The following ATAD2B variants were observed in gnomAD, a reference collection of about 807,000 sequenced individuals.
ATAD2B encodes the protein ATPase family AAA domain containing 2B.
A neutral mutation model predicts 167.6 loss-of-function variants in ATAD2B; 40 were observed. That is an observed-to-expected ratio of 0.24 (90% CI 0.19 to 0.31). The LOEUF (loss-of-function observed/expected upper bound fraction) is 0.31, where lower values mean the gene tolerates loss of function less well. Among genes scored for constraint, ATAD2B ranks in the 10% least tolerant of loss-of-function variants. The probability of loss-of-function intolerance (pLI) is 1.00; values close to 1 mark genes in which losing one functional copy is unlikely to be tolerated. For missense variants in ATAD2B, 1,242 were observed against 1,757.2 expected, an observed-to-expected ratio of 0.71 and a Z score of 5.24; for synonymous variants, 579 against 596.5, an observed-to-expected ratio of 0.97 and a Z score of 0.43.
At chr2:23,739,701 A>G in the ATAD2B span, among the ~76,000 whole-genome samples, 2 of 152,266 alleles carry the variant, frequency 1.3e-5, no homozygotes, top group African/African-American at 2.4e-5. Context: ...AACTAAGATC[A>G]GAGCATAACT....
intron 24 of ATAD2B, among the ~76,000 whole-genome samples, chr2:23,761,559 C>T (rs939026470): frequency 1.3e-5 from 2 of 152,286 alleles, no homozygotes; most frequent in South Asian, 2.1e-4. Context: ...TGGATTATCA[C>T]CTTTATACCA....
At chr2:23,880,062 A>T (rs1034824489) in intron 7 of ATAD2B, among the ~76,000 whole-genome samples, 2 of 151,954 alleles carry the variant, frequency 1.3e-5, no homozygotes, top group Non-Finnish European at 2.9e-5. Context: ...TTTTAAAAAA[A>T]AAAAAAAAAA....
At position 23,754,271 on chromosome 2, in the gene ATAD2B, G is replaced by C; in HGVS notation, c.4243C>G (p.Leu1415Val). 1 of 1,566,570 alleles carries C rather than the reference G, an allele frequency of 6.4e-7. No individual in the cohort carries two copies. The highest frequency in any genetic ancestry group is 8.7e-7 in the Non-Finnish European group (1 of 1,155,522). ...AATCTCTCAAGCTGATCAACTGCCA[G>C]ATTGTTGCTTTTATCCACCAACAAA... ...LDLLVDKSNN[L>V]AVDQLERLYS... Residue 1415 changes from leucine to valine, a missense_variant, in exon 27 of 28, where the codon CTG becomes GTG. Leu to Val is a conservative substitution (Grantham distance 32). Transcript: ENST00000238789.
At chr2:23,880,792 T>A in intron 6 of ATAD2B, 37 bp from the exon 7 acceptor site, 1 of 1,235,900 alleles carries the variant, frequency 8.1e-7, no homozygotes, top group Middle Eastern at 1.9e-4. Context: ...GAAAAAGGCA[T>A]TATTTTAATT....
chr2:23,686,815 G>A, the ATAD2B span, among the ~76,000 whole-genome samples: 3 of 152,178 alleles, frequency 2.0e-5, no homozygotes, highest in Non-Finnish European at 4.4e-5. Flanking sequence ...TCAGCATACA[G>A]TAAGGTCACA....
At chr2:23,717,566 A>C in the ATAD2B span, among the ~76,000 whole-genome samples, 5 of 152,164 alleles carry the variant, frequency 3.3e-5, no homozygotes, top group Non-Finnish European at 7.3e-5. Flanking sequence ...ACACTTCACA[A>C]AAATAACAGG....
the ATAD2B span, chr2:23,697,248 G>C: frequency 1.3e-5 from 2 of 152,258 alleles, no homozygotes; most frequent in Admixed American, 6.5e-5. Flanking sequence ...TTCCGGATGA[G>C]AATACAAAAT....
the ATAD2B span, among the ~76,000 whole-genome samples, chr2:23,686,704 C>T: frequency 1.5e-4 from 23 of 152,078 alleles, no homozygotes; most frequent in Admixed American, 3.9e-4. Flanking sequence ...AGCAGCCTGA[C>T]GGACGCCCAG....
the ATAD2B span, among the ~76,000 whole-genome samples, chr2:23,711,342 C>CTTTTTTTTTTTTTTTTTTTTTTT: frequency 1.3e-5 from 1 of 79,784 alleles, no homozygotes; most frequent in African/African-American, 4.9e-5. Context: ...GAATTTCTTT[C>CTTTTTTTTTTTTTTTTTTTTTTT]TTTTTTTTTT....
chr2:23,820,256 G>A (rs1253461854), intron 16 of ATAD2B, among the ~76,000 whole-genome samples: 1 of 152,098 alleles, frequency 6.6e-6, no homozygotes, highest in Non-Finnish European at 1.5e-5. Context: ...TAATTAGTAG[G>A]TTAGCTGAGT....
At chr2:23,707,894 A>T in the ATAD2B span, 4 of 152,442 alleles carry the variant, frequency 2.6e-5, no homozygotes, top group South Asian at 8.3e-4. Context: ...GGAAGCCAGG[A>T]GGGAGGTCAC....
chr2:23,876,597 GC>G (rs1318007018), intron 7 of ATAD2B, among the ~76,000 whole-genome samples: 1 of 152,152 alleles, frequency 6.6e-6, no homozygotes, highest in Non-Finnish European at 1.5e-5. Context: ...ACTGTGCCCG[GC>G]CCCTGTTAAC....
intron 1 of ATAD2B, among the ~76,000 whole-genome samples, chr2:23,909,855 T>TG (rs1376482932): frequency 6.6e-6 from 1 of 151,896 alleles, no homozygotes; most frequent in Non-Finnish European, 1.5e-5. Context: ...GGTTGTTTTT[T>TG]TTTGTTTGTT....
chr2:23,871,829 T>A (rs1696022376), intron 8 of ATAD2B, among the ~76,000 whole-genome samples: 1 of 152,210 alleles, frequency 6.6e-6, no homozygotes, highest in African/African-American at 2.4e-5. Context: ...AATCCTTTCA[T>A]TAACTTCTGC....
In ATAD2B at chr2:23,759,494, C is replaced by T. The variant is rs572364484; in HGVS notation, c.3395-1393G>A. Among the ~76,000 whole-genome samples, 6 of 152,150 alleles carry T rather than the reference C, an allele frequency of 3.9e-5. No homozygotes were observed. In the South Asian group the frequency reaches 1.2e-3, roughly 32 times the overall value. ...AGTGTATTTACATACTTATTTAATCCTTTCATCTTTAATTCCTGCTGCATC... is the reference window on the plus strand; with the variant it reads ...AGTGTATTTACATACTTATTTAATCTTTTCATCTTTAATTCCTGCTGCATC... On this transcript the variant is annotated intron_variant, in intron 24 of 27. Coordinates refer to ENST00000238789, the MANE Select transcript of ATAD2B (RefSeq NM_017552.4).
chr2:23,744,615 C>G (rs1674706955), downstream of ATAD2B, among the ~76,000 whole-genome samples: 1 of 152,130 alleles, frequency 6.6e-6, no homozygotes, highest in African/African-American at 2.4e-5. Context: ...TGTGGCCCAT[C>G]TTATGGATAA....
At chr2:23,703,171 T>C in the ATAD2B span, 2 of 1,403,210 alleles carry the variant, frequency 1.4e-6, no homozygotes, top group Non-Finnish European at 1.9e-6. Flanking sequence ...GGGCTCTTTT[T>C]CTCCTCTCCT....
intron 1 of ATAD2B, among the ~76,000 whole-genome samples, chr2:23,903,884 G>C (rs753682919): frequency 2.0e-4 from 30 of 152,144 alleles, no homozygotes; most frequent in Non-Finnish European, 2.9e-4. Context: ...AGCGATATCA[G>C]TGCTGTATTC....
intron 1 of ATAD2B, among the ~76,000 whole-genome samples, chr2:23,898,974 C>T (rs1472973707): frequency 1.3e-5 from 2 of 152,090 alleles, no homozygotes; most frequent in Non-Finnish European, 2.9e-5. Flanking sequence ...CATGGTGAAA[C>T]CCCATCTCTA....
Sources: allele counts gnomAD v4.1 joint callset (sites outside exome capture counted in the v4.1 genomes callset), GRCh38; gene constraint gnomAD v4.1.1; transcripts MANE v1.5; gene names NCBI Gene and HGNC (gene_info 2026-07-23, HGNC 2026-07-21).